Variants in SEPTIN11 observed in about 807,000 individuals in gnomAD.
The protein encoded by SEPTIN11 is septin-11.
SEPTIN11 carries 25 observed loss-of-function variants against 51.4 expected under a neutral mutation model. The ratio of observed to expected loss-of-function variants is 0.49; its 90% CI spans 0.35 to 0.68. The LOEUF (loss-of-function observed/expected upper bound fraction) is 0.68, where lower values mean the gene tolerates loss of function less well. SEPTIN11 is among the 30% of genes least tolerant of loss of function. The pLI is 0.00. For synonymous variants in SEPTIN11, 174 were observed against 184.1 expected, an observed-to-expected ratio of 0.95 and a Z score of 0.44; for missense variants, 381 against 520.8, an observed-to-expected ratio of 0.73 and a Z score of 2.61.
At chr4:76,989,279 C>T (rs899273311) in intron 1 of SEPTIN11, among the ~76,000 whole-genome samples, 2 of 151,964 alleles carry the variant, frequency 1.3e-5, no homozygotes, top group African/African-American at 4.8e-5. Context: ...TAAATGTTAT[C>T]TCTTAAATTT....
At position 77,004,064 on chromosome 4, in the gene SEPTIN11, G is replaced by A. The variant is rs556245146; in HGVS notation, c.143-1537G>A. ...TCATATGCTCAGCCACCACCACCACGAACATAAGGCTGTTTTTTTCTCATT... is the reference window on the plus strand; with the variant it reads ...TCATATGCTCAGCCACCACCACCACAAACATAAGGCTGTTTTTTTCTCATT... On this transcript the variant is annotated intron_variant, in intron 2 of 9. Coordinates refer to ENST00000264893, the MANE Select transcript of SEPTIN11 (RefSeq NM_018243.4). 5.3e-5 allele frequency among the ~76,000 whole-genome samples: 8 copies of A among 152,250 alleles called. No individual in the cohort carries two copies. In the East Asian group the frequency reaches 1.2e-3, roughly 22 times the overall value.
chr4:77,030,593 C>T lies in SEPTIN11; in HGVS notation c.1087-190C>T, dbSNP rs1480243705. Among the ~76,000 whole-genome samples the T allele has an allele frequency of 4.6e-5, 7 of 151,974 alleles. No individual in the cohort carries two copies. In the East Asian group the frequency reaches 1.4e-3, roughly 30 times the overall value. ...TGTATTTTTAGTAGAGATGGGGTTT[C>T]ACCATCTTGGCCAGGCTGGTCTTGA... On this transcript the variant is annotated intron_variant, in intron 8 of 9. Coordinates refer to ENST00000264893, the MANE Select transcript of SEPTIN11 (RefSeq NM_018243.4).
At chr4:76,990,286 T>G (rs1723296672) in intron 1 of SEPTIN11, among the ~76,000 whole-genome samples, 1 of 152,158 alleles carries the variant, frequency 6.6e-6, no homozygotes, top group African/African-American at 2.4e-5. Context: ...TTGGTGCATT[T>G]TATAATCCTC....
At chr4:76,957,112 CAAGT>C (rs887889742) in intron 1 of SEPTIN11, among the ~76,000 whole-genome samples, 1 of 152,104 alleles carries the variant, frequency 6.6e-6, no homozygotes, top group South Asian at 2.1e-4. Context: ...ACATCACCAT[CAAGT>C]AAGTCATGGG....
rs116411600 is a variant in SEPTIN11 at position 76,965,468 on chromosome 4, G to C, written c.27+15538G>C. On this transcript the variant is annotated intron_variant, in intron 1 of 9. Transcript: ENST00000264893. ...TCCATTTCAAAAAAAAAAAAAAAAG[G>C]AGTCATTTATCAAATTTTGTCTTTT... Among the ~76,000 whole-genome samples the C allele has an allele frequency of 5.8e-3, 873 of 150,852 alleles. 16 individuals are homozygous for C. The East Asian group carries it at 0.058, about 10-fold the overall frequency.
downstream of SEPTIN11, chr4:77,039,390 C>G: frequency 9.3e-7 from 1 of 1,069,914 alleles, no homozygotes; most frequent in South Asian, 2.8e-5. Context: ...TGCTGGGATC[C>G]CCTTGCTTAG....
rs1038267365 is a variant in SEPTIN11, at chr4:77,026,759, A to G, written c.954-1870A>G. Reference sequence around the variant, plus strand: ...CAACAAAAACTGAGTTTTCTGTAAAATTTCATAAGAGGGACGAGTCATCCT... The same window carrying G: ...CAACAAAAACTGAGTTTTCTGTAAAGTTTCATAAGAGGGACGAGTCATCCT... On this transcript the variant is annotated intron_variant, in intron 7 of 9. Transcript: ENST00000264893. Among the ~76,000 whole-genome samples, 9 of 152,320 alleles carry G rather than the reference A, an allele frequency of 5.9e-5. 1 individual carries two copies. In the East Asian group the frequency reaches 1.4e-3, roughly 23 times the overall value.
At chr4:77,016,649 TATATATACAC>T (rs1305413527) in intron 5 of SEPTIN11, among the ~76,000 whole-genome samples, 4 of 129,034 alleles carry the variant, frequency 3.1e-5, no homozygotes, top group African/African-American at 5.8e-5. Flanking sequence ...TATATATATA[TATATATACAC>T]ATATATATAT....
chr4:76,983,841 C>G (rs1422751713), intron 1 of SEPTIN11, among the ~76,000 whole-genome samples: 1 of 152,100 alleles, frequency 6.6e-6, no homozygotes, highest in East Asian at 1.9e-4. Context: ...AACCCCGTGT[C>G]TACTAAAAAT....
chr4:77,008,669 C>T (rs1292846698), intron 3 of SEPTIN11, among the ~76,000 whole-genome samples: 2 of 151,984 alleles, frequency 1.3e-5, no homozygotes, highest in Admixed American at 1.3e-4. Context: ...GGGTTAGCCT[C>T]TGTCATTTTT....
At chr4:76,971,082 C>G (rs1490077373) in intron 1 of SEPTIN11, among the ~76,000 whole-genome samples, 2 of 152,060 alleles carry the variant, frequency 1.3e-5, no homozygotes, top group African/African-American at 2.4e-5. Context: ...GTATGTATAT[C>G]TTACATAAAC....
chr4:77,016,775 T>G (rs1300075602), intron 5 of SEPTIN11, among the ~76,000 whole-genome samples: 1 of 146,592 alleles, frequency 6.8e-6, no homozygotes, highest in Non-Finnish European at 1.5e-5. Context: ...CTGGTCAACA[T>G]AGCAAGAAAA....
At chr4:76,996,642 CTCTT>C (rs1723736923) in intron 2 of SEPTIN11, 103 bp downstream of exon 2, 4 of 846,294 alleles carry the variant, frequency 4.7e-6, no homozygotes, top group Non-Finnish European at 7.6e-6. Context: ...CATGTTTATT[CTCTT>C]TCTTTCATCA....
chr4:76,989,671 C>T (rs1474942328), intron 1 of SEPTIN11, among the ~76,000 whole-genome samples: 1 of 152,232 alleles, frequency 6.6e-6, no homozygotes, highest in Non-Finnish European at 1.5e-5. Flanking sequence ...ACCGCATATA[C>T]AACCGTGGTT....
chr4:76,959,227 A>C, intron 1 of SEPTIN11: 1 of 239,720 alleles, frequency 4.2e-6, no homozygotes, highest in Non-Finnish European at 8.5e-6. Context: ...GATCCAAAGC[A>C]CTGGACTGAG....
chr4:76,996,570 T>C, intron 2 of SEPTIN11, 31 bp downstream of exon 2: 1 of 1,469,042 alleles, frequency 6.8e-7, no homozygotes. Context: ...CAGCAAGAAA[T>C]TTGATCCTTA....
chr4:77,028,587 A>G, intron 7 of SEPTIN11, 42 bp from the exon 8 acceptor site: 1 of 1,540,100 alleles, frequency 6.5e-7, no homozygotes, highest in East Asian at 2.3e-5. Context: ...TTCTTAGTAT[A>G]CAATTTCATG....
chr4:76,983,619 T>C (rs115903427), intron 1 of SEPTIN11, among the ~76,000 whole-genome samples: 40 of 152,362 alleles, frequency 2.6e-4, no homozygotes, highest in African/African-American at 8.7e-4. Context: ...TAATTTGTTA[T>C]ATGGCAGTAG....
chr4:77,018,365 C>T (rs985179238), intron 5 of SEPTIN11, among the ~76,000 whole-genome samples: 11 of 151,582 alleles, frequency 7.3e-5, no homozygotes, highest in South Asian at 6.3e-4. Context: ...AGGAGAATGG[C>T]GTGAACCCGG....
Sources: gnomAD v4.1 joint callset for allele counts (sites outside exome capture counted in the v4.1 genomes callset) on GRCh38, gnomAD v4.1.1 for gene constraint, MANE v1.5 for transcripts, NCBI Gene and HGNC (gene_info 2026-07-23, HGNC 2026-07-21) for gene names.